SYN3: variants seen among roughly 807,000 people sequenced by gnomAD.
SYN3 encodes synapsin-3.
Under a neutral mutation model 65.8 loss-of-function variants are expected in SYN3, and 35 were observed. That is an observed-to-expected ratio of 0.53 (90% CI 0.41 to 0.70). The LOEUF (loss-of-function observed/expected upper bound fraction) is 0.70. Among genes scored for constraint, SYN3 ranks in the 30% least tolerant of loss-of-function variants. The probability of loss-of-function intolerance (pLI) is 0.00; values close to 1 mark genes in which losing one functional copy is unlikely to be tolerated. For synonymous variants in SYN3, 270 were observed against 292.9 expected (o/e 0.92, Z 0.80); for missense variants, 680 against 749.0 (o/e 0.91, Z 1.08).
intron 6 of SYN3, among the ~76,000 whole-genome samples, chr22:32,728,466 C>T (rs771163900): frequency 4.6e-5 from 7 of 152,240 alleles, no homozygotes; most frequent in Non-Finnish European, 1.0e-4. Context: ...CCCCTCCAGA[C>T]CTCTGCATCT....
chr22:32,844,346 G>T (rs181820994), intron 6 of SYN3, among the ~76,000 whole-genome samples: 3 of 152,320 alleles, frequency 2.0e-5, no homozygotes, highest in East Asian at 3.9e-4. Context: ...ATTGCCATTG[G>T]AAAATTGTTC....
intron 3 of SYN3, among the ~76,000 whole-genome samples, chr22:32,972,309 A>C (rs765406231): frequency 1.3e-5 from 2 of 152,224 alleles, no homozygotes; most frequent in Non-Finnish European, 2.9e-5. Flanking sequence ...GCCATCCTTA[A>C]CAAGAATGAG....
At chr22:32,781,046 T>A (rs1184773571) in intron 6 of SYN3, among the ~76,000 whole-genome samples, 2 of 59,966 alleles carry the variant, frequency 3.3e-5, no homozygotes, top group Non-Finnish European at 7.2e-5. Context: ...TTCTTTCCCC[T>A]CCCTCCCTCC....
intron 6 of SYN3, among the ~76,000 whole-genome samples, chr22:32,780,089 A>G (rs990950446): frequency 0.12 from 27 of 220 alleles, no homozygotes; most frequent in Non-Finnish European, 0.2. Flanking sequence ...AGAGAGAGAA[A>G]AAAAGAGAAA....
rs564074294 is a variant in SYN3 at position 32,902,301 on chromosome 22, G to A, written c.461+29089C>T. Among the ~76,000 whole-genome samples the A allele has an allele frequency of 8.5e-5, 13 of 152,336 alleles. No individual in the cohort carries two copies. The East Asian group carries it at 2.1e-3, about 25-fold the overall frequency. ...CAAATTCCAGGCTGGTCTGGGTCAA[G>A]GGAGAATGTAGTCAGTGAGGGTTTC... On this transcript the variant is annotated intron_variant, in intron 4 of 13. Coordinates refer to ENST00000358763, the MANE Select transcript of SYN3 (RefSeq NM_003490.4).
chr22:32,967,285 A>C (rs557792982), intron 3 of SYN3, among the ~76,000 whole-genome samples: 1 of 152,290 alleles, frequency 6.6e-6, no homozygotes, highest in South Asian at 2.1e-4. Context: ...CTGGACCAAA[A>C]CGGGTCCAGT....
chr22:32,671,542 C>T (rs1050634108), intron 6 of SYN3, among the ~76,000 whole-genome samples: 26 of 150,760 alleles, frequency 1.7e-4, no homozygotes, highest in Middle Eastern at 3.5e-3. Context: ...CACGCTCTCA[C>T]GCAGGTGCAC....
chr22:32,627,198 C>T (rs1321426647), intron 6 of SYN3, among the ~76,000 whole-genome samples: 2 of 151,652 alleles, frequency 1.3e-5, no homozygotes, highest in Non-Finnish European at 2.9e-5. Context: ...GGCATCCGAG[C>T]TGGCACGGTT....
intron 1 of SYN3, 61 bp downstream of exon 1, chr22:33,058,231 G>A (rs895730807): frequency 1.3e-5 from 2 of 152,172 alleles, no homozygotes; most frequent in African/African-American, 2.4e-5. Flanking sequence ...CCCGCTCGAG[G>A]TGGGGTCTCC....
intron 3 of SYN3, among the ~76,000 whole-genome samples, chr22:32,939,956 T>A (rs1239931273): frequency 6.6e-6 from 1 of 152,234 alleles, no homozygotes; most frequent in Non-Finnish European, 1.5e-5. Flanking sequence ...GTTTTGCCAA[T>A]TTACATACCG....
intron 5 of SYN3, among the ~76,000 whole-genome samples, chr22:32,868,655 C>T (rs1021490696): frequency 9.2e-5 from 14 of 152,024 alleles, no homozygotes; most frequent in Non-Finnish European, 1.9e-4. Flanking sequence ...TTCTCCATGT[C>T]GGTCAGGCTG....
chr22:33,039,459 T>C (rs2053922950), intron 1 of SYN3, among the ~76,000 whole-genome samples: 1 of 149,168 alleles, frequency 6.7e-6, no homozygotes, highest in South Asian at 2.2e-4. Flanking sequence ...CACTGCAACC[T>C]CCGCCTCCTG....
intron 2 of SYN3, among the ~76,000 whole-genome samples, chr22:32,993,495 G>A (rs1417797861): frequency 2.0e-5 from 3 of 152,076 alleles, no homozygotes; most frequent in Admixed American, 6.6e-5. Context: ...ACAGCATGCC[G>A]CCACCACGCC....
At chr22:32,529,117 G>C in intron 10 of SYN3, 109 bp from the exon 11 acceptor site, 1 of 1,363,622 alleles carries the variant, frequency 7.3e-7, no homozygotes, top group Non-Finnish European at 1.0e-6. Context: ...GTGACCACCA[G>C]ATGGCGATGT....
intron 6 of SYN3, among the ~76,000 whole-genome samples, chr22:32,683,744 A>G (rs1289215230): frequency 5.9e-5 from 9 of 152,174 alleles, no homozygotes. Flanking sequence ...GTACTTCAGA[A>G]GGAAGTATTT....
At chr22:32,958,490 C>T (rs1231492233) in intron 3 of SYN3, among the ~76,000 whole-genome samples, 8 of 152,176 alleles carry the variant, frequency 5.3e-5, no homozygotes, top group Non-Finnish European at 1.2e-4. Flanking sequence ...GTAGTAATAG[C>T]ACTAGATGTG....
At chr22:32,547,126 T>C (rs369582600) in intron 7 of SYN3, among the ~76,000 whole-genome samples, 1 of 152,086 alleles carries the variant, frequency 6.6e-6, no homozygotes, top group Non-Finnish European at 1.5e-5. Context: ...TACCGGCGCA[T>C]GACATCACGC....
chr22:33,017,654 G>C (rs1223680115), intron 1 of SYN3, among the ~76,000 whole-genome samples: 1 of 151,898 alleles, frequency 6.6e-6, no homozygotes, highest in Non-Finnish European at 1.5e-5. Flanking sequence ...GATTTCTTAA[G>C]TTCCTTAGCA....
chr22:32,618,756 AC>A (rs896334879), intron 6 of SYN3, among the ~76,000 whole-genome samples: 1 of 152,184 alleles, frequency 6.6e-6, no homozygotes, highest in Non-Finnish European at 1.5e-5. Flanking sequence ...AAGATGGCCC[AC>A]AGCCCAAGGT....
Sources: allele counts gnomAD v4.1 joint callset (sites outside exome capture counted in the v4.1 genomes callset), GRCh38; gene constraint gnomAD v4.1.1; transcripts MANE v1.5; gene names NCBI Gene and HGNC (gene_info 2026-07-23, HGNC 2026-07-21).